The following RAP1A variants were observed in gnomAD, a reference collection of about 807,000 sequenced individuals.
RAP1A encodes the protein RAP1A, member of RAS oncogene family.
In RAP1A, 6 loss-of-function variants were observed where a neutral mutation model predicts 26.4. That is an observed-to-expected ratio of 0.23 (90% CI 0.12 to 0.45). The LOEUF (loss-of-function observed/expected upper bound fraction) is 0.45, where lower values mean the gene tolerates loss of function less well. Ranked by LOEUF, RAP1A falls within the 20% of genes least tolerant of loss-of-function variation. The probability of loss-of-function intolerance (pLI) is 0.99; values close to 1 mark genes in which losing one functional copy is unlikely to be tolerated. For missense variants in RAP1A, 121 were observed against 217.2 expected (o/e 0.56, Z 2.78); for synonymous variants, 73 against 79.4 (o/e 0.92, Z 0.43).
chr1:111,698,136 A>G (rs767331528), intron 4 of RAP1A, among the ~76,000 whole-genome samples: 4 of 152,188 alleles, frequency 2.6e-5, no homozygotes, highest in Non-Finnish European at 5.9e-5. Flanking sequence ...TATAATTTTT[A>G]TTAATAACTG....
intron 1 of RAP1A, among the ~76,000 whole-genome samples, chr1:111,590,594 CT>C (rs976316986): frequency 2.2e-3 from 307 of 141,544 alleles, no homozygotes; most frequent in Non-Finnish European, 2.0e-3. Context: ...TTCTAATGGT[CT>C]TTTTTTTTTT....
At chr1:111,677,627 C>T (rs1661168605) in intron 1 of RAP1A, among the ~76,000 whole-genome samples, 1 of 152,162 alleles carries the variant, frequency 6.6e-6, no homozygotes, top group East Asian at 1.9e-4. Context: ...TGGTAGGAGT[C>T]CTCAGCTCCT....
At chr1:111,706,634 T>G in intron 6 of RAP1A, 9 of 855,668 alleles carry the variant, frequency 1.1e-5, no homozygotes, top group Middle Eastern at 5.9e-4. Flanking sequence ...GGAGAGGGAT[T>G]GAGAAACTCT....
intron 5 of RAP1A, among the ~76,000 whole-genome samples, 169 bp from the exon 6 acceptor site, chr1:111,704,174 T>G (rs1349869343): frequency 6.6e-6 from 1 of 151,266 alleles, no homozygotes; most frequent in African/African-American, 2.4e-5. Context: ...TGTCTCTTCC[T>G]TCTTCCTTCG....
At chr1:111,571,394 G>A (rs778886468) in intron 1 of RAP1A, among the ~76,000 whole-genome samples, 6 of 152,090 alleles carry the variant, frequency 3.9e-5, no homozygotes, top group Non-Finnish European at 8.8e-5. Context: ...TGAAGTTCAG[G>A]GGATGGGACT....
intron 2 of RAP1A, 63 bp from the exon 3 acceptor site, chr1:111,695,278 T>A: frequency 8.2e-7 from 1 of 1,217,604 alleles, no homozygotes; most frequent in Non-Finnish European, 1.1e-6. Context: ...AATTTGTAGG[T>A]TAAGTAACAT....
At chr1:111,563,935 T>C (rs1214394054) in intron 1 of RAP1A, 3 of 1,613,626 alleles carry the variant, frequency 1.9e-6, no homozygotes, top group South Asian at 2.2e-5. Flanking sequence ...CAATGGGTCC[T>C]GCTGGAGACC....
chr1:111,553,781 C>T (rs1657371342), intron 1 of RAP1A, among the ~76,000 whole-genome samples: 1 of 152,224 alleles, frequency 6.6e-6, no homozygotes, highest in African/African-American at 2.4e-5. Flanking sequence ...TTTCCTTTCC[C>T]CTTTTTTCCT....
intron 1 of RAP1A, among the ~76,000 whole-genome samples, chr1:111,561,211 C>T (rs1657723132): frequency 6.6e-6 from 1 of 152,226 alleles, no homozygotes; most frequent in African/African-American, 2.4e-5. Flanking sequence ...GCATCCTCAA[C>T]CTCCCAGGCT....
chr1:111,601,713 T>G (rs1420660839), intron 1 of RAP1A, among the ~76,000 whole-genome samples: 2 of 152,236 alleles, frequency 1.3e-5, no homozygotes, highest in South Asian at 4.1e-4. Context: ...GCCATTTCTC[T>G]CCTGTGTAAC....
chr1:111,589,519 C>T (rs1424699259), intron 1 of RAP1A, among the ~76,000 whole-genome samples: 1 of 152,150 alleles, frequency 6.6e-6, no homozygotes, highest in African/African-American at 2.4e-5. Flanking sequence ...CCTAAACACT[C>T]CCTGAAAATG....
intron 1 of RAP1A, among the ~76,000 whole-genome samples, chr1:111,625,671 A>T (rs1000644736): frequency 6.6e-6 from 1 of 152,218 alleles, no homozygotes; most frequent in Non-Finnish European, 1.5e-5. Flanking sequence ...CACAGTTAAC[A>T]ATCTAGGCCA....
intron 1 of RAP1A, chr1:111,648,528 G>T (rs1297386246): frequency 1.8e-6 from 1 of 559,518 alleles, no homozygotes; most frequent in African/African-American, 1.9e-5. Flanking sequence ...CTCTGCCCGG[G>T]TCTGTGCCAG....
At chr1:111,548,020 G>T (rs565485094) in intron 1 of RAP1A, among the ~76,000 whole-genome samples, 307 of 152,180 alleles carry the variant, frequency 2.0e-3, no homozygotes, top group African/African-American at 7.2e-3. Flanking sequence ...TTGTTTGTTT[G>T]TTTGTTTGTT....
chr1:111,568,438 C>T (rs1293501845), intron 1 of RAP1A, among the ~76,000 whole-genome samples: 1 of 152,164 alleles, frequency 6.6e-6, no homozygotes, highest in African/African-American at 2.4e-5. Context: ...AGCAAGAACT[C>T]ACTCATCACC....
intron 1 of RAP1A, among the ~76,000 whole-genome samples, chr1:111,577,275 G>A (rs907168710): frequency 4.0e-5 from 6 of 151,680 alleles, no homozygotes; most frequent in African/African-American, 9.7e-5. Flanking sequence ...GGTGGCATGC[G>A]CCTGTAATCC....
chr1:111,616,743 A>G (rs1659021556), upstream of RAP1A, among the ~76,000 whole-genome samples: 1 of 152,052 alleles, frequency 6.6e-6, no homozygotes, highest in Admixed American at 6.5e-5. Context: ...CCCCCAAGCA[A>G]TGGAGTGTGG....
At chr1:111,586,130 C>T (rs1308492681) in intron 1 of RAP1A, among the ~76,000 whole-genome samples, 1 of 152,190 alleles carries the variant, frequency 6.6e-6, no homozygotes, top group East Asian at 1.9e-4. Context: ...TGAATATTTG[C>T]TTCACTAGTA....
chr1:111,648,525 CG>C, intron 1 of RAP1A: 1 of 558,542 alleles, frequency 1.8e-6, no homozygotes, highest in Non-Finnish European at 3.4e-6. Context: ...CCCCTCTGCC[CG>C]GGTCTGTGCC....
Sources: gnomAD v4.1 joint callset for allele counts (sites outside exome capture counted in the v4.1 genomes callset) on GRCh38, gnomAD v4.1.1 for gene constraint, MANE v1.5 for transcripts, NCBI Gene and HGNC (gene_info 2026-07-23, HGNC 2026-07-21) for gene names.